MYO16: variants seen among roughly 807,000 people sequenced by gnomAD.
MYO16 encodes the protein myosin XVI, also known as unconventional myosin-XVI.
A neutral mutation model predicts 205.3 loss-of-function variants in MYO16; 94 were observed. That is an observed-to-expected ratio of 0.46 (90% CI 0.39 to 0.54). The LOEUF (loss-of-function observed/expected upper bound fraction) is 0.54. MYO16 is among the 20% of genes least tolerant of loss of function. The pLI, the probability that MYO16 is intolerant of heterozygous loss-of-function variation, is 0.00. For missense variants in MYO16, 2,315 were observed against 2,387.5 expected (o/e 0.97, Z 0.63); for synonymous variants, 988 against 954.0 (o/e 1.04, Z -0.66).
intron 9 of MYO16, among the ~76,000 whole-genome samples, chr13:108,835,865 C>T (rs369496931): frequency 4.6e-5 from 7 of 152,158 alleles, no homozygotes; most frequent in East Asian, 3.9e-4. Context: ...AGCAGCAAAG[C>T]GTTCAAAAGG....
intron 16 of MYO16, among the ~76,000 whole-genome samples, chr13:108,918,210 T>G (rs1048228204): frequency 1.3e-5 from 2 of 152,268 alleles, no homozygotes; most frequent in African/African-American, 4.8e-5. Context: ...GTAGCATAAT[T>G]ATGATTTTTA....
At chr13:109,111,724 T>C (rs183005426) in intron 28 of MYO16, among the ~76,000 whole-genome samples, 12 of 152,026 alleles carry the variant, frequency 7.9e-5, no homozygotes, top group Non-Finnish European at 1.5e-4. Context: ...TCTTGCTCTG[T>C]TGCCCAGGCT....
intron 1 of MYO16, among the ~76,000 whole-genome samples, chr13:108,613,281 A>T (rs1408238344): frequency 6.6e-6 from 1 of 152,164 alleles, no homozygotes; most frequent in Admixed American, 6.6e-5. Flanking sequence ...GCCTGTAAAA[A>T]CATTGGAAAT....
At chr13:108,895,345 A>T (rs1880363291) in intron 14 of MYO16, among the ~76,000 whole-genome samples, 1 of 152,218 alleles carries the variant, frequency 6.6e-6, no homozygotes, top group Non-Finnish European at 1.5e-5. Context: ...CAAGGTGAGC[A>T]GCGGAATAAT....
At chr13:108,830,769 G>A (rs114529112) in intron 9 of MYO16, among the ~76,000 whole-genome samples, 2,062 of 152,050 alleles carry the variant, frequency 0.014, 42 homozygotes, top group African/African-American at 0.045. Context: ...ATAATAAAAC[G>A]TCAGATATTA....
Position 109,008,927 on chromosome 13 carries a change from C to A in MYO16, c.2473C>A (p.His825Asn), listed in dbSNP as rs753793286. ...LCVNMTNEKM[H>N]HYINEVLFLH... ...TGTCAACATGACCAATGAGAAGATGCACCACTATATCAATGAAGTGCTTTT... is the reference window on the plus strand; with the variant it reads ...TGTCAACATGACCAATGAGAAGATGAACCACTATATCAATGAAGTGCTTTT... The change falls in exon 22 of 35, where the codon CAC becomes AAC. Residue 825 changes from histidine (H) to asparagine (N), a missense_variant. Physicochemically the swap from His to Asn is moderately conservative, Grantham distance 68. This residue lies in a region of MYO16 where 1,213 missense variants were observed against 1,274.4 expected (regional missense o/e 0.95). Coordinates refer to ENST00000457511, the MANE Select transcript of MYO16 (RefSeq NM_001198950.3). The A allele has an allele frequency of 6.2e-7, 1 of 1,612,906 alleles. No homozygotes were observed. The highest frequency in any genetic ancestry group is 2.2e-5 in the East Asian group (1 of 44,800).
chr13:108,738,083 A>G (rs1314580579), intron 4 of MYO16, among the ~76,000 whole-genome samples: 2 of 152,160 alleles, frequency 1.3e-5, no homozygotes, highest in Non-Finnish European at 2.9e-5. Flanking sequence ...TCAGAAAACC[A>G]GCTCCTGGAT....
At chr13:109,201,826 A>T (rs1880406478) in intron 34 of MYO16, among the ~76,000 whole-genome samples, 1 of 152,044 alleles carries the variant, frequency 6.6e-6, no homozygotes, top group African/African-American at 2.4e-5. Context: ...CTTAGCTCCC[A>T]CTTATAAGTG....
At chr13:108,975,579 G>C (rs1403342697) in intron 20 of MYO16, among the ~76,000 whole-genome samples, 1 of 151,994 alleles carries the variant, frequency 6.6e-6, no homozygotes, top group East Asian at 1.9e-4. Context: ...GGAATTTTTT[G>C]TTTTGGAAAA....
intron 33 of MYO16, among the ~76,000 whole-genome samples, chr13:109,176,464 A>T (rs766838648): frequency 6.7e-6 from 1 of 149,524 alleles, no homozygotes. Flanking sequence ...GAGAGACATG[A>T]ATCCGTTTTC....
chr13:109,194,670 A>T (rs1362896476), intron 34 of MYO16, among the ~76,000 whole-genome samples: 1 of 152,070 alleles, frequency 6.6e-6, no homozygotes. Flanking sequence ...AAATATAGAG[A>T]CTGTGTCAGA....
At chr13:108,845,368 TCA>T (rs1314757478) in intron 10 of MYO16, among the ~76,000 whole-genome samples, 1 of 152,156 alleles carries the variant, frequency 6.6e-6, no homozygotes, top group Non-Finnish European at 1.5e-5. Flanking sequence ...AATGCATTTC[TCA>T]CAGTCGTGGA....
chr13:108,708,867 TG>T (rs1477989816), intron 2 of MYO16, among the ~76,000 whole-genome samples: 1 of 152,204 alleles, frequency 6.6e-6, no homozygotes, highest in Non-Finnish European at 1.5e-5. Flanking sequence ...TTGGTGATGG[TG>T]GGAAGCAGCT....
chr13:108,862,799 GT>G (rs2139117834), intron 11 of MYO16, among the ~76,000 whole-genome samples: 1 of 152,240 alleles, frequency 6.6e-6, no homozygotes, highest in Non-Finnish European at 1.5e-5. Context: ...ATAATTGAGA[GT>G]TTTACAATAT....
chr13:108,526,195 T>G, the MYO16 span, among the ~76,000 whole-genome samples: 1 of 152,188 alleles, frequency 6.6e-6, no homozygotes, highest in Non-Finnish European at 1.5e-5. Flanking sequence ...AGATACTATA[T>G]CTGATGAAAA....
At chr13:108,834,108 A>G (rs181849245) in intron 9 of MYO16, among the ~76,000 whole-genome samples, 1 of 152,334 alleles carries the variant, frequency 6.6e-6, no homozygotes, top group East Asian at 1.9e-4. Flanking sequence ...GAAGTTATAC[A>G]GGAAAGAAAG....
chr13:109,039,732 G>A (rs376966644), intron 23 of MYO16, among the ~76,000 whole-genome samples: 15 of 152,202 alleles, frequency 9.9e-5, no homozygotes, highest in African/African-American at 2.6e-4. Context: ...CACTAAATGC[G>A]TACGTTAGAA....
intron 1 of MYO16, among the ~76,000 whole-genome samples, chr13:108,656,898 A>G (rs1188282939): frequency 1.3e-5 from 2 of 152,218 alleles, no homozygotes; most frequent in African/African-American, 4.8e-5. Flanking sequence ...CAGTGAAAAC[A>G]GGTACTCCAT....
the MYO16 span, among the ~76,000 whole-genome samples, chr13:108,537,920 G>A: frequency 1.3e-5 from 2 of 151,954 alleles, no homozygotes; most frequent in Non-Finnish European, 2.9e-5. Flanking sequence ...TTAATCCTTT[G>A]TCAGATGCAT....
Sources: allele counts gnomAD v4.1 joint callset (sites outside exome capture counted in the v4.1 genomes callset), GRCh38; gene constraint gnomAD v4.1.1; regional missense constraint gnomAD v4.1.1; transcripts MANE v1.5; gene names NCBI Gene and HGNC (gene_info 2026-07-23, HGNC 2026-07-21).